HEXB: variants seen among roughly 807,000 people sequenced by gnomAD.
HEXB encodes hexosaminidase subunit beta.
In HEXB, 51 loss-of-function variants were observed where a neutral mutation model predicts 71.2. The ratio of observed to expected loss-of-function variants is 0.72; its 90% CI spans 0.57 to 0.90. The LOEUF is 0.90. Among genes scored for constraint, HEXB ranks in the 40% least tolerant of loss-of-function variants. HEXB has a pLI of 0.00. For synonymous variants in HEXB, 266 were observed against 249.3 expected (o/e 1.07, Z -0.63); for missense variants, 617 against 677.0 (o/e 0.91, Z 0.98).
chr5:74,682,873 A>C (rs2112117905), upstream of HEXB, among the ~76,000 whole-genome samples: 2 of 152,334 alleles, frequency 1.3e-5, no homozygotes, highest in Middle Eastern at 6.8e-3. Flanking sequence ...TTATAACAAA[A>C]GAGCAGATTA....
intron 1 of HEXB, among the ~76,000 whole-genome samples, chr5:74,660,191 C>T (rs1470337971): frequency 6.6e-6 from 1 of 152,214 alleles, no homozygotes; most frequent in Non-Finnish European, 1.5e-5. Context: ...CCATTCCTCC[C>T]TGATAGCCAA....
At chr5:74,685,113 G>T, upstream of HEXB, 1 of 831,540 alleles carries the variant, frequency 1.2e-6, no homozygotes, top group Non-Finnish European at 1.7e-6. Context: ...ACGCTCCCGG[G>T]GCCTGGAGGC....
intron 1 of HEXB, among the ~76,000 whole-genome samples, chr5:74,675,396 T>G (rs1056717378): frequency 3.3e-5 from 5 of 152,252 alleles, no homozygotes; most frequent in South Asian, 2.1e-4. Flanking sequence ...CTTAGTCAGG[T>G]CTCAGAGCCT....
At position 74,673,887 on chromosome 5, in the gene HEXB, G is replaced by GAT. The variant is rs970075308; in HGVS notation, c.-376-15439_-376-15438dup. On this transcript the variant is annotated intron_variant, in intron 1 of 13. Transcript: ENST00000511181. ...CTCACAAGGATTCTGTGAGCCACTCGATACTCTGTAATTAGTTAATTCCTC... is the reference window on the plus strand; with the variant it reads ...CTCACAAGGATTCTGTGAGCCACTCGATATACTCTGTAATTAGTTAATTCCTC... Among the ~76,000 whole-genome samples the GAT allele has an allele frequency of 1.7e-4, 26 of 152,210 alleles. 1 individual carries two copies. The highest frequency in any genetic ancestry group is 3.4e-3 in the Middle Eastern group (1 of 292).
intron 8 of HEXB, among the ~76,000 whole-genome samples, chr5:74,716,027 AAAAAAAAAAAAAAAT>A (rs1375145708): frequency 0.018 from 2,731 of 150,998 alleles, 98 homozygotes; most frequent in African/African-American, 0.063. Context: ...AAAAAAAAAA[AAAAAAAAAAAAAAAT>A]GGAATAAAAA....
intron 1 of HEXB, among the ~76,000 whole-genome samples, chr5:74,643,197 T>C (rs1336377938): frequency 2.6e-5 from 4 of 152,222 alleles, no homozygotes; most frequent in Non-Finnish European, 5.9e-5. Context: ...GGGCAGTTTT[T>C]AATGCTTATC....
rs1224206181 is a variant in HEXB at position 74,688,336 on chromosome 5, C to T, written c.300-992C>T. Among the ~76,000 whole-genome samples, 9 of 121,904 alleles carry T rather than the reference C, an allele frequency of 7.4e-5. No individual in the cohort carries two copies. In the East Asian group the frequency reaches 1.9e-3, roughly 26 times the overall value. 80.0% of individuals were successfully genotyped at this position (121,904 alleles called of 152,430 possible). On this transcript the variant is annotated intron_variant, in intron 1 of 13. Coordinates refer to ENST00000261416, the MANE Select transcript of HEXB (RefSeq NM_000521.4). The stretch of plus-strand genomic sequence containing the variant: ...GATTTTTGGATACCAACAAAAGGTA[C>T]TTTTTTTTTTTTTGAGATGGAGTCT...
At position 74,720,420 on chromosome 5, in the gene HEXB, T is replaced by A; in HGVS notation, c.1418-8T>A. 1 of 1,580,784 alleles carries A rather than the reference T, an allele frequency of 6.3e-7. No homozygotes were observed. The highest frequency in any genetic ancestry group is 2.2e-5 in the East Asian group (1 of 44,722). ...ACTTCTGAACTTAATTCAATGATTTTAATTTAGGTACTCAGAAACAGAAAC... is the reference window on the plus strand; with the variant it reads ...ACTTCTGAACTTAATTCAATGATTTAAATTTAGGTACTCAGAAACAGAAAC... On this transcript the variant is annotated splice_polypyrimidine_tract_variant and splice_region_variant and intron_variant, in intron 11 of 13. Coordinates refer to ENST00000261416, the MANE Select transcript of HEXB (RefSeq NM_000521.4).
chr5:74,681,505 T>G (rs1748738674), upstream of HEXB, among the ~76,000 whole-genome samples: 1 of 152,196 alleles, frequency 6.6e-6, no homozygotes, highest in Non-Finnish European at 1.5e-5. Flanking sequence ...CATGATTGCT[T>G]GAGCCCAAGC....
At chr5:74,679,168 G>T (rs1472109904) in intron 1 of HEXB, among the ~76,000 whole-genome samples, 1 of 152,196 alleles carries the variant, frequency 6.6e-6, no homozygotes, top group Non-Finnish European at 1.5e-5. Context: ...CAGCCATAAC[G>T]AACACCTTAA....
upstream of HEXB, among the ~76,000 whole-genome samples, chr5:74,683,650 T>C (rs1335017722): frequency 6.6e-6 from 1 of 151,622 alleles, no homozygotes; most frequent in African/African-American, 2.4e-5. Flanking sequence ...GAATTCTAGT[T>C]TCTATGGCTT....
intron 11 of HEXB, among the ~76,000 whole-genome samples, chr5:74,719,776 T>C (rs183670385): frequency 6.6e-6 from 1 of 152,134 alleles, no homozygotes; most frequent in Admixed American, 6.5e-5. Flanking sequence ...ATTCTGTCTC[T>C]ACTAAAAATA....
chr5:74,646,842 C>T (rs1748010981), intron 1 of HEXB, among the ~76,000 whole-genome samples: 1 of 152,242 alleles, frequency 6.6e-6, no homozygotes, highest in South Asian at 2.1e-4. Context: ...GCTGGGATTA[C>T]AGGCGTGAGC....
In HEXB at chr5:74,718,866, G is replaced by A. The variant is rs1749740836; in HGVS notation, c.1312G>A (p.Ala438Thr). Residue 438 changes from alanine to threonine, a missense_variant, in exon 11 of 14, where the codon GCA becomes ACA. Coordinates refer to ENST00000261416, the MANE Select transcript of HEXB (RefSeq NM_000521.4). ...TCCTGAGGAACTCAGTAGAGTCACA[G>A]CATCTGGCTTCCCTGTAATCCTTTC... ...AYPEELSRVT[A>T]SGFPVILSAP... The A allele has an allele frequency of 6.2e-7, 1 of 1,614,116 alleles. No individual in the cohort carries two copies. Among genetic ancestry groups the A allele is most frequent in the South Asian group, 1.1e-5 (1 of 91,084 alleles).
At chr5:74,670,156 A>G (rs946264315) in intron 1 of HEXB, among the ~76,000 whole-genome samples, 2 of 151,082 alleles carry the variant, frequency 1.3e-5, no homozygotes, top group African/African-American at 4.9e-5. Context: ...CCCTTCACCT[A>G]TTTTACATAT....
At chr5:74,688,839 A>C (rs1191680687) in intron 1 of HEXB, among the ~76,000 whole-genome samples, 1 of 152,216 alleles carries the variant, frequency 6.6e-6, no homozygotes, top group Non-Finnish European at 1.5e-5. Context: ...CAAGTGGCTC[A>C]ACAGTGTTAC....
chr5:74,672,304 A>G (rs1748554921), intron 1 of HEXB, among the ~76,000 whole-genome samples: 1 of 152,174 alleles, frequency 6.6e-6, no homozygotes, highest in Admixed American at 6.5e-5. Flanking sequence ...ATCTTCAACA[A>G]AAAAGCAGTT....
intron 1 of HEXB, among the ~76,000 whole-genome samples, chr5:74,642,975 C>T (rs1438140250): frequency 2.0e-5 from 3 of 152,092 alleles, no homozygotes; most frequent in African/African-American, 7.2e-5. Context: ...ATTCAGTGAC[C>T]GTATACATTC....
In HEXB at chr5:74,652,360, G is replaced by A. The variant is rs150825501; in HGVS notation, c.-377+11802G>A. ...CAGAGCTGTGCTCTCCTAGTGTGTG[G>A]GCCTCCTGGCCCACGTGTCCAGCAA... On this transcript the variant is annotated intron_variant, in intron 1 of 13. Transcript: ENST00000511181. The surrounding 1 kb of genome is among the most constrained non-coding windows in gnomAD (Gnocchi z 5.4). 4.0e-3 allele frequency among the ~76,000 whole-genome samples: 614 copies of A among 152,002 alleles called. 7 individuals carry two copies. The highest frequency in any genetic ancestry group is 0.014 in the African/African-American group (580 of 41,452).
Sources: gnomAD v4.1 joint callset for allele counts (sites outside exome capture counted in the v4.1 genomes callset) on GRCh38, gnomAD v4.1.1 for gene constraint, Gnocchi (gnomAD v3.1) non-coding constraint, MANE v1.5 for transcripts, NCBI Gene and HGNC (gene_info 2026-07-23, HGNC 2026-07-21) for gene names.